The following ELOVL7 variants were observed in gnomAD, a reference collection of about 807,000 sequenced individuals.
ELOVL7 encodes the protein very long chain fatty acid elongase 7.
ELOVL7 carries 27 observed loss-of-function variants against 35.7 expected under a neutral mutation model. That is an observed-to-expected ratio of 0.76 (90% confidence interval 0.56 to 1.04). The LOEUF is 1.04. Among genes scored for constraint, ELOVL7 ranks in the 50% least tolerant of loss-of-function variants. The probability of loss-of-function intolerance (pLI) is 0.00; values close to 1 mark genes in which losing one functional copy is unlikely to be tolerated. For missense variants in ELOVL7, 327 were observed against 340.8 expected (o/e 0.96, Z 0.32); for synonymous variants, 113 against 114.6 (o/e 0.99, Z 0.09).
intron 7 of ELOVL7, among the ~76,000 whole-genome samples, chr5:60,762,163 A>G (rs958190438): frequency 2.0e-5 from 3 of 151,986 alleles, no homozygotes; most frequent in Non-Finnish European, 4.4e-5. Flanking sequence ...AACCCGTTAT[A>G]AAGTGACTGA....
intron 8 of ELOVL7, among the ~76,000 whole-genome samples, chr5:60,756,145 AAT>A (rs1741527522): frequency 2.0e-5 from 3 of 152,210 alleles, no homozygotes; most frequent in Admixed American, 2.0e-4. Context: ...CATATTTGAG[AAT>A]ATGATGAAAA....
At chr5:60,841,836 A>T (rs892617816) in intron 1 of ELOVL7, among the ~76,000 whole-genome samples, 22 of 152,188 alleles carry the variant, frequency 1.4e-4, no homozygotes, top group African/African-American at 5.1e-4. Context: ...CTCTAAATGT[A>T]ATGTTTCATC....
At chr5:60,789,406 T>C (rs1303866228) in intron 2 of ELOVL7, among the ~76,000 whole-genome samples, 1 of 152,220 alleles carries the variant, frequency 6.6e-6, no homozygotes, top group African/African-American at 2.4e-5. Flanking sequence ...TTTTGTCTAT[T>C]GAATAGGCCA....
chr5:60,784,450 C>G (rs969238727), intron 3 of ELOVL7, among the ~76,000 whole-genome samples: 1 of 152,204 alleles, frequency 6.6e-6, no homozygotes, highest in Non-Finnish European at 1.5e-5. Context: ...CATTTCACAT[C>G]TAAGAATCCA....
chr5:60,754,983 TG>T (rs1741450819), intron 8 of ELOVL7, 150 bp from the exon 9 acceptor site: 4 of 676,612 alleles, frequency 5.9e-6, no homozygotes, highest in Non-Finnish European at 9.9e-6. Flanking sequence ...AGAGTGATAA[TG>T]GGTGGTATAA....
rs750549527 is a variant in ELOVL7, at chr5:60,772,046, T to C, written c.112A>G (p.Thr38Ala). The C allele has an allele frequency of 9.9e-6, 16 of 1,613,440 alleles. No homozygotes were observed. Among genetic ancestry groups the C allele is most frequent in the Middle Eastern group, 1.7e-4 (1 of 6,056 alleles). Residue 38 changes from threonine (T) to alanine (A), a missense_variant, in exon 4 of 9, where the codon ACC becomes GCC. Thr to Ala is a moderately conservative substitution (Grantham distance 58, BLOSUM62 0). Coordinates refer to ENST00000508821, the MANE Select transcript of ELOVL7 (RefSeq NM_024930.3). ...TAGACATAGAATCCTAGGAGGATGG[T>C]TTGTGGCAGAGGCGAGGACATGAGG... ...WLLMSSPLPQ[T>A]ILLGFYVYFV...
At chr5:60,806,147 C>T (rs1744912982) in intron 1 of ELOVL7, among the ~76,000 whole-genome samples, 1 of 152,060 alleles carries the variant, frequency 6.6e-6, no homozygotes, top group African/African-American at 2.4e-5. Context: ...CACCTATAAG[C>T]CAAGGGAGAG....
chr5:60,842,131 A>G (rs951328058), intron 1 of ELOVL7, among the ~76,000 whole-genome samples: 2 of 152,240 alleles, frequency 1.3e-5, no homozygotes, highest in African/African-American at 2.4e-5. Context: ...AAAAGATGAT[A>G]ACAAATAGCA....
intron 1 of ELOVL7, among the ~76,000 whole-genome samples, chr5:60,825,444 T>C (rs71592686): frequency 0.21 from 32,342 of 152,194 alleles, 3,943 homozygotes; most frequent in Non-Finnish European, 0.27. Context: ...TTTATATGTA[T>C]TTCACCAATA....
chr5:60,821,685 G>A (rs1437438674), intron 1 of ELOVL7, among the ~76,000 whole-genome samples: 1 of 152,214 alleles, frequency 6.6e-6, no homozygotes, highest in African/African-American at 2.4e-5. Flanking sequence ...TAGGACAGTG[G>A]CCTGTGACTG....
intron 1 of ELOVL7, among the ~76,000 whole-genome samples, chr5:60,820,834 C>T (rs1745840025): frequency 6.6e-6 from 1 of 152,140 alleles, no homozygotes; most frequent in Admixed American, 6.6e-5. Flanking sequence ...AACTCCACTT[C>T]CTCCCCTCAA....
intron 1 of ELOVL7, among the ~76,000 whole-genome samples, chr5:60,827,878 T>C (rs754725188): frequency 3.3e-5 from 5 of 152,148 alleles, no homozygotes; most frequent in Non-Finnish European, 7.4e-5. Flanking sequence ...CCTCCCATCC[T>C]TCCTGCACAC....
chr5:60,761,592 G>A (rs1480056860), intron 7 of ELOVL7, among the ~76,000 whole-genome samples: 1 of 152,048 alleles, frequency 6.6e-6, no homozygotes, highest in African/African-American at 2.4e-5. Context: ...TCTTAGGTTT[G>A]GGGGGAATAT....
intron 1 of ELOVL7, among the ~76,000 whole-genome samples, chr5:60,820,519 T>C (rs968125016): frequency 6.6e-6 from 1 of 152,126 alleles, no homozygotes; most frequent in African/African-American, 2.4e-5. Context: ...GATAGAAAAA[T>C]GGGTACACAT....
chr5:60,800,325 A>C (rs1417095924), intron 1 of ELOVL7, among the ~76,000 whole-genome samples: 1 of 152,254 alleles, frequency 6.6e-6, no homozygotes, highest in African/African-American at 2.4e-5. Context: ...AGGATGGTTC[A>C]ACAAATGCAA....
At chr5:60,803,761 T>G (rs1490776197) in intron 1 of ELOVL7, among the ~76,000 whole-genome samples, 1 of 152,172 alleles carries the variant, frequency 6.6e-6, no homozygotes, top group African/African-American at 2.4e-5. Flanking sequence ...AATGACATAA[T>G]AGAACATATT....
chr5:60,772,414 A>C (rs1742654345), intron 3 of ELOVL7, among the ~76,000 whole-genome samples: 1 of 152,164 alleles, frequency 6.6e-6, no homozygotes, highest in African/African-American at 2.4e-5. Context: ...GCAGTCTGCA[A>C]CCTGGAAGAG....
chr5:60,780,682 C>A (rs1743194998), intron 3 of ELOVL7, among the ~76,000 whole-genome samples: 2 of 152,250 alleles, frequency 1.3e-5, no homozygotes, highest in South Asian at 4.2e-4. Context: ...CACCTCTTCA[C>A]TGGGCAGCAG....
chr5:60,783,232 C>A (rs1743367094), intron 3 of ELOVL7, among the ~76,000 whole-genome samples: 1 of 152,196 alleles, frequency 6.6e-6, no homozygotes, highest in Non-Finnish European at 1.5e-5. Flanking sequence ...CTGATCCAAT[C>A]TGCTACATTG....
Sources: allele counts gnomAD v4.1 joint callset (sites outside exome capture counted in the v4.1 genomes callset), GRCh38; gene constraint gnomAD v4.1.1; transcripts MANE v1.5; gene names NCBI Gene and HGNC (gene_info 2026-07-23, HGNC 2026-07-21).